The following EYS variants were observed in gnomAD, a reference collection of about 807,000 sequenced individuals.
The protein encoded by EYS is EGF-like photoreceptor maintenance factor.
A neutral mutation model predicts 282.1 loss-of-function variants in EYS; 250 were observed. The observed-to-expected ratio is 0.89, with a 90% confidence interval of 0.80 to 0.98. EYS has a LOEUF of 0.98. Ranked by LOEUF, EYS falls within the 50% of genes least tolerant of loss-of-function variation. The probability of loss-of-function intolerance (pLI) is 0.00; values close to 1 mark genes in which losing one functional copy is unlikely to be tolerated. For missense variants in EYS, 4,016 were observed against 3,709.0 expected, an observed-to-expected ratio of 1.08 and a Z score of -2.15; for synonymous variants, 1,355 against 1,282.9, an observed-to-expected ratio of 1.06 and a Z score of -1.20.
chr6:64,267,104 T>C (rs2150355674), intron 30 of EYS, among the ~76,000 whole-genome samples: 1 of 152,318 alleles, frequency 6.6e-6, no homozygotes, highest in South Asian at 2.1e-4. Flanking sequence ...GTAGGACTTT[T>C]AATTTTTGAA....
chr6:65,075,604 C>A (rs1296655650), intron 12 of EYS, among the ~76,000 whole-genome samples: 1 of 151,898 alleles, frequency 6.6e-6, no homozygotes, highest in Non-Finnish European at 1.5e-5. Context: ...CAGTGAATTT[C>A]TTAAATAGTA....
At chr6:65,635,296 G>C (rs1767046214) in intron 2 of EYS, among the ~76,000 whole-genome samples, 2 of 152,092 alleles carry the variant, frequency 1.3e-5, no homozygotes, top group African/African-American at 4.8e-5. Context: ...CACCTTAAGA[G>C]TAAGGTGCTA....
intron 30 of EYS, among the ~76,000 whole-genome samples, chr6:64,238,795 C>T (rs1051869054): frequency 6.6e-6 from 1 of 152,036 alleles, no homozygotes; most frequent in African/African-American, 2.4e-5. Context: ...GGTATATGTG[C>T]AGAATGTGCA....
At chr6:63,776,289 G>A (rs978519067) in intron 40 of EYS, among the ~76,000 whole-genome samples, 5 of 152,188 alleles carry the variant, frequency 3.3e-5, no homozygotes, top group South Asian at 2.1e-4. Flanking sequence ...AATAAAGAGC[G>A]ACTTAACACT....
At chr6:63,784,653 G>A (rs1202167028) in intron 39 of EYS, among the ~76,000 whole-genome samples, 6 of 151,928 alleles carry the variant, frequency 3.9e-5, no homozygotes, top group Non-Finnish European at 8.8e-5. Flanking sequence ...TCATGAGAAC[G>A]CACTATCACA....
intron 41 of EYS, among the ~76,000 whole-genome samples, chr6:63,758,077 T>G (rs1309204918): frequency 6.6e-6 from 1 of 152,116 alleles, no homozygotes; most frequent in African/African-American, 2.4e-5. Flanking sequence ...TTATTCTATT[T>G]TTTTTGTAGA....
At chr6:64,391,388 A>C (rs1582690450) in intron 28 of EYS, among the ~76,000 whole-genome samples, 1 of 152,150 alleles carries the variant, frequency 6.6e-6, no homozygotes, top group Non-Finnish European at 1.5e-5. Context: ...AGGTCGGATT[A>C]CCCTCCAAGG....
chr6:63,922,911 G>T (rs1764612777), intron 35 of EYS, among the ~76,000 whole-genome samples: 3 of 152,306 alleles, frequency 2.0e-5, no homozygotes, highest in Admixed American at 2.0e-4. Flanking sequence ...TTCTAGTCTT[G>T]CCTTGACAAA....
At chr6:64,928,050 C>T (rs1768577016) in intron 15 of EYS, among the ~76,000 whole-genome samples, 1 of 151,962 alleles carries the variant, frequency 6.6e-6, no homozygotes, top group Admixed American at 6.6e-5. Flanking sequence ...CAAGTAAGTG[C>T]AATTGCCAAA....
chr6:65,215,036 T>A (rs1248102348), intron 12 of EYS, among the ~76,000 whole-genome samples: 1 of 152,046 alleles, frequency 6.6e-6, no homozygotes, highest in Non-Finnish European at 1.5e-5. Flanking sequence ...AGAGATCTGA[T>A]GAAGAGGTGA....
chr6:64,160,239 T>C (rs890442244), intron 31 of EYS, among the ~76,000 whole-genome samples: 2 of 152,222 alleles, frequency 1.3e-5, no homozygotes, highest in African/African-American at 4.8e-5. Context: ...AATTGAACAG[T>C]ACCTAAAATT....
At chr6:64,098,184 C>A (rs1772698989) in intron 31 of EYS, among the ~76,000 whole-genome samples, 1 of 152,034 alleles carries the variant, frequency 6.6e-6, no homozygotes, top group African/African-American at 2.4e-5. Context: ...AGATCTCTTG[C>A]AAATGTACTC....
At chr6:65,052,415 C>G (rs1583437427) in intron 13 of EYS, among the ~76,000 whole-genome samples, 1 of 151,622 alleles carries the variant, frequency 6.6e-6, no homozygotes, top group East Asian at 1.9e-4. Flanking sequence ...ATACAAAATT[C>G]ATTTTTGGAA....
At chr6:65,058,528 A>G (rs1157866430) in intron 12 of EYS, among the ~76,000 whole-genome samples, 1 of 141,716 alleles carries the variant, frequency 7.1e-6, no homozygotes, top group Admixed American at 7.3e-5. Context: ...ATGCATTTCA[A>G]TCTACTCATG....
intron 2 of EYS, among the ~76,000 whole-genome samples, chr6:65,603,926 A>T (rs1334325642): frequency 6.6e-6 from 1 of 151,896 alleles, no homozygotes; most frequent in Non-Finnish European, 1.5e-5. Context: ...GTCATACAGA[A>T]TGTTACCTGT....
chr6:65,444,719 T>C (rs1222155130), intron 5 of EYS, among the ~76,000 whole-genome samples: 2 of 152,120 alleles, frequency 1.3e-5, no homozygotes, highest in African/African-American at 2.4e-5. Flanking sequence ...TAACATTTAG[T>C]ATAAATATTA....
intron 36 of EYS, among the ~76,000 whole-genome samples, chr6:63,842,434 T>C (rs891379469): frequency 6.6e-6 from 1 of 152,228 alleles, no homozygotes; most frequent in African/African-American, 2.4e-5. Context: ...GTTCATATCC[T>C]TCACCCACTT....
intron 22 of EYS, among the ~76,000 whole-genome samples, chr6:64,711,592 C>A (rs893468269): frequency 2.6e-5 from 4 of 152,104 alleles, no homozygotes; most frequent in African/African-American, 9.7e-5. Flanking sequence ...TATAATGAAT[C>A]GGCTCATTCT....
intron 28 of EYS, among the ~76,000 whole-genome samples, chr6:64,413,850 G>A (rs1466319760): frequency 2.6e-5 from 4 of 152,128 alleles, no homozygotes; most frequent in Admixed American, 2.0e-4. Context: ...ATTAGGATGT[G>A]ACATGTTTGA....
Sources: allele counts gnomAD v4.1 joint callset (sites outside exome capture counted in the v4.1 genomes callset), GRCh38; gene constraint gnomAD v4.1.1; transcripts MANE v1.5; gene names NCBI Gene and HGNC (gene_info 2026-07-23, HGNC 2026-07-21).